The following CHD1L variants were observed in gnomAD, a reference collection of about 807,000 sequenced individuals.
The protein encoded by CHD1L is ATP-dependent chromatin remodeler CHD1L.
In CHD1L, 118 loss-of-function variants were observed where a neutral mutation model predicts 115.9. The observed-to-expected ratio is 1.02, with a 90% CI of 0.88 to 1.19. The LOEUF (loss-of-function observed/expected upper bound fraction) is 1.19. Among genes scored for constraint, CHD1L ranks in the 50% most tolerant of loss-of-function variants. The probability of loss-of-function intolerance (pLI) is 0.00; values close to 1 mark genes in which losing one functional copy is unlikely to be tolerated. For synonymous variants in CHD1L, 411 were observed against 387.1 expected, an observed-to-expected ratio of 1.06 and a Z score of -0.72; for missense variants, 1,179 against 1,065.3, an observed-to-expected ratio of 1.11 and a Z score of -1.49.
intron 10 of CHD1L, among the ~76,000 whole-genome samples, chr1:147,270,680 T>C (rs1463706140): frequency 6.6e-6 from 1 of 152,206 alleles, no homozygotes; most frequent in Non-Finnish European, 1.5e-5. Flanking sequence ...CCCTGTTGCA[T>C]TGACACGTCT....
intron 6 of CHD1L, among the ~76,000 whole-genome samples, chr1:147,261,256 T>G (rs2102489401): frequency 6.6e-6 from 1 of 152,268 alleles, no homozygotes; most frequent in East Asian, 1.9e-4. Context: ...GAGCAGAAAT[T>G]TATTTATCAC....
chr1:147,181,830 G>C, the CHD1L span, among the ~76,000 whole-genome samples: 1 of 152,168 alleles, frequency 6.6e-6, no homozygotes, highest in East Asian at 1.9e-4. Context: ...AGGTGGGCTG[G>C]GAAATGAAGA....
At chr1:147,235,681 G>A in the CHD1L span, among the ~76,000 whole-genome samples, 2 of 152,164 alleles carry the variant, frequency 1.3e-5, no homozygotes, top group African/African-American at 4.8e-5. Context: ...AATGGCTTTG[G>A]ATTCTTGTCA....
rs1553973212 is a variant in CHD1L at position 147,293,690 on chromosome 1, A to AG, written c.2475dup (p.Lys826GlufsTer26). 6.2e-7 allele frequency: 1 copy of AG among 1,613,894 alleles called. No homozygotes were observed. Among genetic ancestry groups the AG allele is most frequent in the Non-Finnish European group, 8.5e-7 (1 of 1,179,938 alleles). On this transcript the variant is annotated frameshift_variant, in exon 21 of 23. Coordinates refer to ENST00000369258, the MANE Select transcript of CHD1L (RefSeq NM_004284.6). LOFTEE classifies it high-confidence loss of function. ...ATGGCAGCCCTAGAAGAGGGCCTGA[A>AG]GAAGATATTTTTAGCAGCAAAAAAG...
the CHD1L span, among the ~76,000 whole-genome samples, chr1:147,208,257 G>A: frequency 6.6e-6 from 1 of 151,964 alleles, no homozygotes; most frequent in Non-Finnish European, 1.5e-5. Flanking sequence ...ACTGTCCTCA[G>A]CTATCATTTT....
At position 147,267,502 on chromosome 1, in the gene CHD1L, C is replaced by A; in HGVS notation, c.972C>A (p.His324Gln). The change falls in exon 9 of 23, where the codon CAC (histidine) becomes CAA (glutamine). Residue 324 changes from histidine to glutamine, a missense_variant. Transcript: ENST00000369258. ...ILSQLRKCVD[H>Q]PYLFDGVEPE... ...CCCAGCTTCGAAAGTGTGTGGATCA[C>A]CCATATTTGTTTGATGGTGAGACAG... The A allele has an allele frequency of 6.2e-7, 1 of 1,611,440 alleles. No individual in the cohort carries two copies. Among genetic ancestry groups the A allele is most frequent in the South Asian group, 1.1e-5 (1 of 90,648 alleles).
At chr1:147,201,196 G>A in the CHD1L span, 1 of 1,614,066 alleles carries the variant, frequency 6.2e-7, no homozygotes, top group South Asian at 1.1e-5. Context: ...CTCTGAAATG[G>A]GCATAATGGC....
At chr1:147,255,665 A>G (rs1262718567) in intron 3 of CHD1L, 148 bp from the exon 4 acceptor site, 4 of 506,064 alleles carry the variant, frequency 7.9e-6, no homozygotes, top group Non-Finnish European at 1.4e-5. Flanking sequence ...ATTTTTTTAG[A>G]TAAGATTCAG....
At chr1:147,178,851 C>T in the CHD1L span, 3 of 1,583,812 alleles carry the variant, frequency 1.9e-6, no homozygotes, top group Non-Finnish European at 1.7e-6. Flanking sequence ...TCTGCCCTCA[C>T]ATGACAGAAG....
chr1:147,244,700 CT>C (rs60978238), intron 1 of CHD1L, among the ~76,000 whole-genome samples: 13,985 of 151,874 alleles, frequency 0.092, 712 homozygotes, highest in East Asian at 0.16. Context: ...ACTTTTTTTC[CT>C]TATCATTCAG....
chr1:147,290,694 C>T (rs1454033525), intron 19 of CHD1L, among the ~76,000 whole-genome samples: 1 of 152,138 alleles, frequency 6.6e-6, no homozygotes, highest in Non-Finnish European at 1.5e-5. Context: ...CACCCTGTCA[C>T]CCAGGCTGGA....
chr1:147,173,994 A>G, the CHD1L span, among the ~76,000 whole-genome samples: 1 of 152,220 alleles, frequency 6.6e-6, no homozygotes, highest in Non-Finnish European at 1.5e-5. Flanking sequence ...ATGATGGGGA[A>G]CCCCAAGTTA....
chr1:147,277,132 G>C (rs1553958473), intron 14 of CHD1L, among the ~76,000 whole-genome samples: 1 of 152,144 alleles, frequency 6.6e-6, no homozygotes, highest in East Asian at 1.9e-4. Context: ...AAGAAGTAGG[G>C]CAGAGTTTTA....
At chr1:147,173,360 C>T in the CHD1L span, 1 of 152,246 alleles carries the variant, frequency 6.6e-6, no homozygotes, top group Admixed American at 6.5e-5. Context: ...AGCTTTCAGC[C>T]CGACTGGGGT....
chr1:147,265,726 G>C (rs1232149640), intron 7 of CHD1L, among the ~76,000 whole-genome samples: 1 of 152,118 alleles, frequency 6.6e-6, no homozygotes, highest in Admixed American at 6.5e-5. Context: ...AGTGTTCCTC[G>C]TTCTTGGGCT....
At chr1:147,243,278 G>T (rs982080640) in intron 1 of CHD1L, among the ~76,000 whole-genome samples, 3 of 152,158 alleles carry the variant, frequency 2.0e-5, no homozygotes, top group Non-Finnish European at 2.9e-5. Flanking sequence ...TCCGTTTACT[G>T]TGCGCGCGCA....
At chr1:147,266,649 C>G (rs587750239) in intron 8 of CHD1L, among the ~76,000 whole-genome samples, 4 of 152,300 alleles carry the variant, frequency 2.6e-5, no homozygotes, top group African/African-American at 7.2e-5. Flanking sequence ...TTTTGTTCAA[C>G]TGATCTTTAT....
intron 5 of CHD1L, among the ~76,000 whole-genome samples, chr1:147,258,305 G>A (rs756741123): frequency 3.4e-4 from 51 of 152,122 alleles, no homozygotes; most frequent in Non-Finnish European, 6.9e-4. Context: ...TTTGATAAGT[G>A]ATTTGACCCA....
chr1:147,267,358 G>C (rs1674334129), intron 8 of CHD1L, 68 bp from the exon 9 acceptor site: 2 of 1,170,592 alleles, frequency 1.7e-6, no homozygotes, highest in African/African-American at 1.5e-5. Flanking sequence ...TAAAAACTCA[G>C]GGTTTTGGTT....
Sources: gnomAD v4.1 joint callset for allele counts (sites outside exome capture counted in the v4.1 genomes callset) on GRCh38, gnomAD v4.1.1 for gene constraint, MANE v1.5 for transcripts, NCBI Gene and HGNC (gene_info 2026-07-23, HGNC 2026-07-21) for gene names.